Variants in NRCAM observed in about 807,000 individuals in gnomAD.
NRCAM encodes NgCAM-related cell adhesion molecule.
A neutral mutation model predicts 156.5 loss-of-function variants in NRCAM; 83 were observed. That is an observed-to-expected ratio of 0.53 (90% confidence interval 0.44 to 0.64). The LOEUF is 0.64. Among genes scored for constraint, NRCAM ranks in the 30% least tolerant of loss-of-function variants. NRCAM has a pLI of 0.00. For synonymous variants in NRCAM, 538 were observed against 563.9 expected, an observed-to-expected ratio of 0.95 and a Z score of 0.65; for missense variants, 1,417 against 1,597.3, an observed-to-expected ratio of 0.89 and a Z score of 1.92.
chr7:108,292,300 G>A (rs182519498), intron 3 of NRCAM, among the ~76,000 whole-genome samples: 68 of 152,246 alleles, frequency 4.5e-4, no homozygotes, highest in African/African-American at 1.6e-3. Flanking sequence ...CCAAGTTTCT[G>A]TTGGCACTAG....
At chr7:108,191,959 G>A in intron 17 of NRCAM, 106 bp from the exon 18 acceptor site, 13 of 1,308,474 alleles carry the variant, frequency 9.9e-6, no homozygotes, top group South Asian at 6.2e-5. Flanking sequence ...GGAGAAAGAT[G>A]GTAAACACTT....
chr7:108,196,158 A>G (rs1247514921), intron 14 of NRCAM, among the ~76,000 whole-genome samples: 1 of 152,220 alleles, frequency 6.6e-6, no homozygotes, highest in Non-Finnish European at 1.5e-5. Flanking sequence ...TCTTATCCCC[A>G]GCACAGTGTC....
intron 1 of NRCAM, among the ~76,000 whole-genome samples, chr7:108,440,717 C>G (rs760218733): frequency 6.6e-6 from 1 of 152,150 alleles, no homozygotes; most frequent in Non-Finnish European, 1.5e-5. Flanking sequence ...CACATGAAGC[C>G]TCCATTTTGC....
chr7:108,257,005 GAAAA>G (rs777855116), intron 3 of NRCAM, among the ~76,000 whole-genome samples: 3 of 50,006 alleles, frequency 6.0e-5, no homozygotes, highest in Non-Finnish European at 8.0e-5. Flanking sequence ...GAAGACTGTC[GAAAA>G]AAAAAAAAAA....
chr7:108,360,422 C>T (rs1054075884), intron 2 of NRCAM, among the ~76,000 whole-genome samples: 1 of 152,072 alleles, frequency 6.6e-6, no homozygotes, highest in Non-Finnish European at 1.5e-5. Context: ...GAACATGACC[C>T]GGGGTTGCAG....
intron 3 of NRCAM, among the ~76,000 whole-genome samples, chr7:108,252,883 A>G (rs1562958118): frequency 6.6e-6 from 1 of 152,250 alleles, no homozygotes; most frequent in Non-Finnish European, 1.5e-5. Context: ...GAAGCAATTG[A>G]TAATAATCTC....
intron 19 of NRCAM, among the ~76,000 whole-genome samples, 153 bp from the exon 20 acceptor site, chr7:108,189,899 G>A (rs1473463662): frequency 6.6e-6 from 1 of 152,100 alleles, no homozygotes; most frequent in Non-Finnish European, 1.5e-5. Context: ...GCACAGCTGA[G>A]GCTGCTGGGA....
In NRCAM at chr7:108,226,258, T is replaced by C; in HGVS notation, c.671A>G (p.His224Arg). The C allele has an allele frequency of 2.5e-6, 4 of 1,610,910 alleles. No individual in the cohort carries two copies. The highest frequency in any genetic ancestry group is 3.4e-6 in the Non-Finnish European group (4 of 1,178,854). Residue 224 changes from histidine to arginine, a missense_variant, in exon 9 of 33, where the codon CAT (histidine) becomes CGT (arginine). By Grantham distance (29) the His-to-Arg change is conservative. Transcript: ENST00000379028. ...EDYICYARFNHTQTIQQKQPI... is the reference protein window; with the variant it reads ...EDYICYARFNRTQTIQQKQPI... ...TTGCTTCTGCTGTATGGTTTGAGTA[T>C]GATTAAATCTAGCATAACAGATATA... is the stretch of plus-strand genomic sequence containing the variant.
chr7:108,310,409 G>T (rs545183103), intron 3 of NRCAM, among the ~76,000 whole-genome samples: 1 of 152,140 alleles, frequency 6.6e-6, no homozygotes, highest in Non-Finnish European at 1.5e-5. Context: ...TACACATTAG[G>T]GTTAATGGCA....
chr7:108,167,547 G>A (rs898713992), intron 29 of NRCAM, among the ~76,000 whole-genome samples: 2 of 152,138 alleles, frequency 1.3e-5, no homozygotes, highest in Non-Finnish European at 2.9e-5. Context: ...CCAAGTACCG[G>A]TTTTTCTAAA....
intron 3 of NRCAM, among the ~76,000 whole-genome samples, chr7:108,282,578 T>C (rs1173009285): frequency 1.3e-5 from 2 of 152,228 alleles, no homozygotes; most frequent in African/African-American, 4.8e-5. Context: ...GACATTTTTA[T>C]ATATTCAAGG....
chr7:108,288,668 T>A (rs1182340708), intron 3 of NRCAM, among the ~76,000 whole-genome samples: 1 of 152,116 alleles, frequency 6.6e-6, no homozygotes, highest in African/African-American at 2.4e-5. Flanking sequence ...TAAGAACCTG[T>A]CCCACTTCTA....
intron 20 of NRCAM, 126 bp from the exon 21 acceptor site, chr7:108,184,740 A>T: frequency 4.4e-6 from 3 of 677,896 alleles, no homozygotes; most frequent in Non-Finnish European, 7.2e-6. Context: ...TACTTTCAAG[A>T]AAAATGCCAT....
At chr7:108,178,685 C>T (rs182746733) in intron 25 of NRCAM, among the ~76,000 whole-genome samples, 24 of 152,254 alleles carry the variant, frequency 1.6e-4, no homozygotes, top group Admixed American at 1.3e-4. Context: ...GGGGAAGGCC[C>T]GAGGGGTCTC....
chr7:108,158,983 A>G (rs2047181589), intron 32 of NRCAM, among the ~76,000 whole-genome samples: 1 of 152,190 alleles, frequency 6.6e-6, no homozygotes. Context: ...TTGTAAAACA[A>G]TCTAGTCACC....
At position 108,191,271 on chromosome 7, in the gene NRCAM, G is replaced by T. The variant is rs1377210245; in HGVS notation, c.1916C>A (p.Thr639Asn). The T allele has an allele frequency of 6.2e-7, 1 of 1,605,012 alleles. No homozygotes were observed. Among genetic ancestry groups the T allele is most frequent in the East Asian group, 2.2e-5 (1 of 44,718 alleles). ...TAGTTTACCGTAAACGGGAGCTGGA[G>T]TTGGAGTAGGAGCTAGAAAGGACAT... The part of the protein sequence containing the change: ...AVLSVVAPTP[T>N]PAPVYDVPNP... The change falls in exon 19 of 33, where the codon ACT (threonine) becomes AAT (asparagine). Residue 639 changes from threonine (T) to asparagine (N), a missense_variant. By Grantham distance (65) the Thr-to-Asn change is moderately conservative. This residue lies in a region of NRCAM where 1,238 missense variants were observed against 1,336.4 expected (regional missense o/e 0.93). Coordinates refer to ENST00000379028, the MANE Select transcript of NRCAM (RefSeq NM_001037132.4).
chr7:108,324,568 C>T (rs1447164280), intron 2 of NRCAM, among the ~76,000 whole-genome samples: 2 of 152,124 alleles, frequency 1.3e-5, no homozygotes, highest in South Asian at 2.1e-4. Flanking sequence ...TGTAAAGACA[C>T]CTGCTTTTCT....
chr7:108,325,815 C>T (rs4730304), intron 2 of NRCAM, among the ~76,000 whole-genome samples: 135,290 of 152,030 alleles, frequency 0.89, 60,325 homozygotes, highest in East Asian at 1. Flanking sequence ...AGTGAATTAA[C>T]TCCACAGAGT....
intron 2 of NRCAM, among the ~76,000 whole-genome samples, chr7:108,388,347 A>T (rs2099748087): frequency 6.6e-6 from 1 of 152,094 alleles, no homozygotes; most frequent in Admixed American, 6.6e-5. Flanking sequence ...GTTGGCTGCA[A>T]AAATGTCTTC....
Sources: gnomAD v4.1 joint callset for allele counts (sites outside exome capture counted in the v4.1 genomes callset) on GRCh38, gnomAD v4.1.1 for gene constraint, gnomAD v4.1.1 regional missense constraint, MANE v1.5 for transcripts, NCBI Gene and HGNC (gene_info 2026-07-23, HGNC 2026-07-21) for gene names.